Variants in GRID1 observed in about 807,000 individuals in gnomAD.
GRID1 encodes the protein glutamate receptor ionotropic, delta-1.
GRID1 carries 28 observed loss-of-function variants against 98.0 expected under a neutral mutation model. The ratio of observed to expected loss-of-function variants is 0.29; its 90% CI spans 0.21 to 0.39. The LOEUF (loss-of-function observed/expected upper bound fraction) is 0.39, where lower values mean the gene tolerates loss of function less well. GRID1 is among the 10% of genes least tolerant of loss of function. The probability of loss-of-function intolerance (pLI) is 1.00; values close to 1 mark genes in which losing one functional copy is unlikely to be tolerated. For missense variants in GRID1, 1,111 were observed against 1,340.5 expected, an observed-to-expected ratio of 0.83 and a Z score of 2.67; for synonymous variants, 553 against 538.5, an observed-to-expected ratio of 1.03 and a Z score of -0.37.
chr10:85,799,128 C>T (rs556427299), intron 8 of GRID1, among the ~76,000 whole-genome samples: 4 of 152,194 alleles, frequency 2.6e-5, no homozygotes, highest in African/African-American at 9.6e-5. Context: ...GCTCTTGGCA[C>T]CTTTATGAAA....
At chr10:85,705,169 A>G (rs1459823481) in intron 12 of GRID1, among the ~76,000 whole-genome samples, 1 of 152,224 alleles carries the variant, frequency 6.6e-6, no homozygotes, top group Non-Finnish European at 1.5e-5. Context: ...CAAAAAATTA[A>G]TGAATCCAGG....
At chr10:85,931,741 A>C (rs1841853152) in intron 4 of GRID1, among the ~76,000 whole-genome samples, 1 of 152,208 alleles carries the variant, frequency 6.6e-6, no homozygotes, top group Non-Finnish European at 1.5e-5. Flanking sequence ...TGTTTCATAT[A>C]AAAGACATTC....
At chr10:86,075,088 G>C (rs925108000) in intron 4 of GRID1, among the ~76,000 whole-genome samples, 7 of 148,178 alleles carry the variant, frequency 4.7e-5, no homozygotes, top group Middle Eastern at 3.4e-3. Context: ...GGAGAGTCCA[G>C]CTCAACTCAC....
At chr10:86,337,808 A>G (rs1034376547) in intron 2 of GRID1, among the ~76,000 whole-genome samples, 1 of 144,802 alleles carries the variant, frequency 6.9e-6, no homozygotes, top group Non-Finnish European at 1.5e-5. Flanking sequence ...CCCAGGTTCA[A>G]GTGATTCTCC....
chr10:86,022,562 C>T (rs1458837973), intron 4 of GRID1, among the ~76,000 whole-genome samples: 1 of 151,718 alleles, frequency 6.6e-6, no homozygotes, highest in Non-Finnish European at 1.5e-5. Context: ...TTTTTTTCCC[C>T]GAGGTCTCTG....
rs1460828351 is a variant in GRID1, at chr10:85,773,090, C to A, written c.1234-43476G>T. Among the ~76,000 whole-genome samples the A allele has an allele frequency of 2.2e-4, 33 of 152,180 alleles. 2 individuals are homozygous for A. Among genetic ancestry groups the A allele is most frequent in the Admixed American group, 2.1e-3 (32 of 15,280 alleles). On this transcript the variant is annotated intron_variant, in intron 8 of 15. Coordinates refer to ENST00000327946, the MANE Select transcript of GRID1 (RefSeq NM_017551.3). Reference sequence around the variant, plus strand: ...AAATCCTCAATAAAATACTGGCAAACCGAATCCAGCAGCACATCAAAAACC... The same window carrying A: ...AAATCCTCAATAAAATACTGGCAAAACGAATCCAGCAGCACATCAAAAACC...
At chr10:86,297,865 G>T (rs1847618122) in intron 2 of GRID1, among the ~76,000 whole-genome samples, 1 of 152,174 alleles carries the variant, frequency 6.6e-6, no homozygotes, top group African/African-American at 2.4e-5. Flanking sequence ...TCCAATGGGA[G>T]GTCACTTCAC....
At chr10:85,990,663 C>T (rs113920436) in intron 4 of GRID1, among the ~76,000 whole-genome samples, 4 of 152,160 alleles carry the variant, frequency 2.6e-5, no homozygotes, top group African/African-American at 9.6e-5. Context: ...GAGAGGTCCC[C>T]TGCAAGTGGA....
intron 5 of GRID1, among the ~76,000 whole-genome samples, chr10:85,877,466 C>G (rs1033256265): frequency 2.0e-5 from 3 of 152,118 alleles, no homozygotes; most frequent in Admixed American, 6.6e-5. Context: ...GTTCTACAGC[C>G]ACCGCTGTTC....
At chr10:86,297,093 T>A (rs1285625047) in intron 2 of GRID1, among the ~76,000 whole-genome samples, 1 of 152,216 alleles carries the variant, frequency 6.6e-6, no homozygotes, top group African/African-American at 2.4e-5. Flanking sequence ...CTTATACATT[T>A]AATTCAATCT....
intron 12 of GRID1, among the ~76,000 whole-genome samples, chr10:85,686,603 C>T (rs977898326): frequency 1.3e-5 from 2 of 151,982 alleles, no homozygotes; most frequent in Admixed American, 6.5e-5. Flanking sequence ...AAATTAGATA[C>T]AGTTCAATAC....
At chr10:85,677,854 C>G (rs117462921) in intron 12 of GRID1, among the ~76,000 whole-genome samples, 1 of 152,036 alleles carries the variant, frequency 6.6e-6, no homozygotes, top group Non-Finnish European at 1.5e-5. Flanking sequence ...AAGAGAGACA[C>G]GCTCCATTTT....
intron 8 of GRID1, among the ~76,000 whole-genome samples, chr10:85,842,879 C>T (rs755752724): frequency 6.6e-6 from 1 of 152,018 alleles, no homozygotes; most frequent in Non-Finnish European, 1.5e-5. Context: ...TGTGTTCCTA[C>T]ATATTTTATG....
At chr10:86,168,688 AAC>A (rs1259554280) in intron 3 of GRID1, among the ~76,000 whole-genome samples, 1 of 152,138 alleles carries the variant, frequency 6.6e-6, no homozygotes, top group Non-Finnish European at 1.5e-5. Flanking sequence ...GCAGGGAAAG[AAC>A]ACACTCAGGC....
chr10:86,174,038 C>T (rs1290918448), intron 3 of GRID1, among the ~76,000 whole-genome samples: 4 of 152,162 alleles, frequency 2.6e-5, no homozygotes, highest in African/African-American at 4.8e-5. Context: ...AATAGACATA[C>T]GTGTGCATGT....
At chr10:85,960,659 C>T (rs1252048459) in intron 4 of GRID1, among the ~76,000 whole-genome samples, 1 of 152,226 alleles carries the variant, frequency 6.6e-6, no homozygotes, top group Admixed American at 6.5e-5. Context: ...CTTGACCCCA[C>T]CTGCAAGAAT....
chr10:85,691,843 T>C (rs893674165), intron 12 of GRID1, among the ~76,000 whole-genome samples: 7 of 152,202 alleles, frequency 4.6e-5, no homozygotes, highest in African/African-American at 1.7e-4. Flanking sequence ...TGTCAGAAGA[T>C]TGATGGGTCC....
At chr10:85,905,520 ATAAC>A (rs1374308373) in intron 5 of GRID1, among the ~76,000 whole-genome samples, 1 of 152,148 alleles carries the variant, frequency 6.6e-6, no homozygotes, top group African/African-American at 2.4e-5. Flanking sequence ...TCTTTAAAAG[ATAAC>A]TGACTGTTTT....
At chr10:86,008,249 A>T (rs915857859) in intron 4 of GRID1, among the ~76,000 whole-genome samples, 22 of 152,182 alleles carry the variant, frequency 1.4e-4, no homozygotes, top group Non-Finnish European at 2.5e-4. Flanking sequence ...TTCACCAGAA[A>T]AGCTAGACCC....
Sources: allele counts gnomAD v4.1 joint callset (sites outside exome capture counted in the v4.1 genomes callset), GRCh38; gene constraint gnomAD v4.1.1; transcripts MANE v1.5; gene names NCBI Gene and HGNC (gene_info 2026-07-23, HGNC 2026-07-21).